Variants in HGF observed in about 807,000 individuals in gnomAD.
HGF encodes the protein fibroblast-derived tumor cytotoxic factor.
HGF carries 39 observed loss-of-function variants against 111.6 expected under a neutral mutation model. The ratio of observed to expected loss-of-function variants is 0.35; its 90% CI spans 0.27 to 0.46. HGF has a LOEUF of 0.46. HGF is among the 20% of genes least tolerant of loss of function. The probability of loss-of-function intolerance (pLI) is 1.00; values close to 1 mark genes in which losing one functional copy is unlikely to be tolerated. For synonymous variants in HGF, 285 were observed against 294.8 expected, an observed-to-expected ratio of 0.97 and a Z score of 0.34; for missense variants, 735 against 910.5, an observed-to-expected ratio of 0.81 and a Z score of 2.48.
At chr7:81,724,153 C>G (rs1789946886) in intron 9 of HGF, among the ~76,000 whole-genome samples, 1 of 152,102 alleles carries the variant, frequency 6.6e-6, no homozygotes, top group African/African-American at 2.4e-5. Flanking sequence ...AACAAATGTT[C>G]AAGTAAATGA....
intron 4 of HGF, chr7:81,756,906 A>G (rs914616714): frequency 2.7e-5 from 13 of 485,060 alleles, no homozygotes; most frequent in Middle Eastern, 5.7e-4. Context: ...AAAGACAGGA[A>G]GAAGAATCCT....
At chr7:81,720,680 T>TATCTAA in intron 10 of HGF, 65 bp downstream of exon 10, 1 of 880,530 alleles carries the variant, frequency 1.1e-6, no homozygotes, top group South Asian at 1.3e-5. Flanking sequence ...GCAATGTACA[T>TATCTAA]ATCTAAATAC....
chr7:81,736,958 T>G (rs1180036722), intron 7 of HGF, among the ~76,000 whole-genome samples: 5 of 149,554 alleles, frequency 3.3e-5, no homozygotes, highest in African/African-American at 1.2e-4. Flanking sequence ...ATGATATACT[T>G]TTGAAAACAT....
intron 2 of HGF, among the ~76,000 whole-genome samples, chr7:81,761,262 T>C (rs1427569840): frequency 2.0e-5 from 3 of 152,194 alleles, no homozygotes; most frequent in African/African-American, 7.2e-5. Flanking sequence ...ATCATAGGAA[T>C]ATACTTGCAA....
chr7:81,705,861 C>A, intron 15 of HGF, 108 bp from the exon 16 acceptor site: 2 of 614,974 alleles, frequency 3.3e-6, no homozygotes, highest in African/African-American at 2.8e-5. Flanking sequence ...AGAATGAAGT[C>A]CTGTTTCTTA....
At chr7:81,707,842 T>A (rs966302981) in intron 13 of HGF, among the ~76,000 whole-genome samples, 8 of 152,276 alleles carry the variant, frequency 5.3e-5, no homozygotes, top group African/African-American at 1.9e-4. Flanking sequence ...TTCCTTCTTC[T>A]ACTACCATTA....
At chr7:81,713,989 CGTGTGTGTGT>C (rs10539468) in intron 11 of HGF, among the ~76,000 whole-genome samples, 406 of 142,414 alleles carry the variant, frequency 2.9e-3, no homozygotes, top group African/African-American at 4.5e-3. Flanking sequence ...GGTGTGTGTG[CGTGTGTGTGT>C]GTGTGTGTGT....
In HGF at chr7:81,701,103, GATCTT is replaced by G. The variant is rs1461721552; in HGVS notation, c.*1473_*1477del. 6.6e-6 allele frequency: 1 copy of G among 151,468 alleles called. No individual in the cohort carries two copies. The highest frequency in any genetic ancestry group is 1.5e-5 in the Non-Finnish European group (1 of 67,620). The allele number at this position is 151,468 out of a possible 1,614,324, so 9.4% of individuals were successfully genotyped here. On this transcript the variant is annotated 3_prime_UTR_variant, in exon 18 of 18. Transcript: ENST00000222390. ...TTATTCTATTTCTCAACAAATACAT[GATCTT>G]TAGCTAAGCATGACAAATACAATGA...
chr7:81,743,019 C>A, intron 7 of HGF: 2 of 1,350,756 alleles, frequency 1.5e-6, no homozygotes, highest in South Asian at 1.2e-5. Context: ...CTTTTACTCC[C>A]CTAATGACTT....
intron 11 of HGF, among the ~76,000 whole-genome samples, chr7:81,713,666 T>G (rs1034382758): frequency 6.6e-6 from 1 of 152,158 alleles, no homozygotes; most frequent in Non-Finnish European, 1.5e-5. Flanking sequence ...GTTTTAAAAT[T>G]AAATTTCTGG....
chr7:81,729,700 G>A lies in HGF; in HGVS notation c.945C>T (p.Gly315=). 6.2e-7 allele frequency: 1 copy of A among 1,613,392 alleles called. No homozygotes were observed. The highest frequency in any genetic ancestry group is 8.5e-7 in the Non-Finnish European group (1 of 1,179,390). ...CIQGQGEGYR[G]TVNTIWNGIP... is the part of the protein sequence containing the mutation. The stretch of plus-strand genomic sequence containing the variant: ...TTCCATTCCAAATGGTATTGACAGT[G>A]CCCCTGTAGCCTTCTCCTTGACCTT... The change falls in exon 8 of 18, where the codon GGC becomes GGT. Residue 315 remains glycine, a synonymous_variant. Transcript: ENST00000222390.
At chr7:81,712,183 C>T (rs1480578606) in intron 11 of HGF, among the ~76,000 whole-genome samples, 1 of 152,114 alleles carries the variant, frequency 6.6e-6, no homozygotes, top group Non-Finnish European at 1.5e-5. Flanking sequence ...GTCCAACATC[C>T]TACACCATGA....
chr7:81,768,965 G>T (rs1789499262), intron 1 of HGF, among the ~76,000 whole-genome samples: 1 of 152,038 alleles, frequency 6.6e-6, no homozygotes, highest in African/African-American at 2.4e-5. Context: ...AAAAGATACA[G>T]CCAGTTCTCT....
rs772827646 is a variant in HGF, at chr7:81,758,685, CAGT to C, written c.367+4_367+6del. 6.8e-7 allele frequency: 1 copy of C among 1,474,854 alleles called. No individual in the cohort carries two copies. Among genetic ancestry groups the C allele is most frequent in the Non-Finnish European group, 9.5e-7 (1 of 1,054,192 alleles). 91.4% of individuals were successfully genotyped at this position (1,474,854 alleles called of 1,614,324 possible). On this transcript the variant is annotated splice_donor_5th_base_variant and intron_variant, in intron 3 of 17. Transcript: ENST00000222390. ...CATTATGCAATATTTAGGGAGAAGT[CAGT>C]TACCTTTGTTTTCATAGAGGTCAAA...
intron 9 of HGF, among the ~76,000 whole-genome samples, chr7:81,721,221 T>C (rs112554666): frequency 0.01 from 1,523 of 152,098 alleles, 24 homozygotes; most frequent in African/African-American, 0.035. Context: ...CACTCCAGCC[T>C]GGGCGACAGA....
chr7:81,727,749 G>C (rs2115918251), intron 8 of HGF, among the ~76,000 whole-genome samples: 1 of 152,216 alleles, frequency 6.6e-6, no homozygotes. Context: ...TCCTCCCAAA[G>C]TTCTGGATTG....
At position 81,717,342 on chromosome 7, in the gene HGF, G is replaced by A. The variant is rs1228451958; in HGVS notation, c.1295C>T (p.Ala432Val). 4 of 1,613,452 alleles carry A rather than the reference G, an allele frequency of 2.5e-6. No individual in the cohort carries two copies. Among genetic ancestry groups the A allele is most frequent in the East Asian group, 2.2e-5 (1 of 44,850 alleles). ...LHRHIFWEPD[A>V]SKLNENYCRN... ...GCAGTAATTCTCATTCAGCTTACTT[G>A]CATCTGGTTCCCAGAAGATATGACT... is the stretch of plus-strand genomic sequence containing the variant. The change falls in exon 11 of 18, where the codon GCA becomes GTA. Residue 432 changes from alanine to valine, a missense_variant. Coordinates refer to ENST00000222390, the MANE Select transcript of HGF (RefSeq NM_000601.6).
Position 81,725,026 on chromosome 7 carries a change from A to T in HGF, c.1168+864T>A, listed in dbSNP as rs142374057. ...TAACAACCAGGGTCAAGTCACTCCC[A>T]TCTGTAGTCTGAATTACTGAAACAA... On this transcript the variant is annotated intron_variant, in intron 9 of 17. Coordinates refer to ENST00000222390, the MANE Select transcript of HGF (RefSeq NM_000601.6). 9.3e-4 allele frequency among the ~76,000 whole-genome samples: 142 copies of T among 152,268 alleles called. 4 individuals carry two copies. The East Asian group carries it at 0.018, about 20-fold the overall frequency.
intron 2 of HGF, 135 bp downstream of exon 2, chr7:81,762,572 T>C: frequency 1.3e-6 from 1 of 748,696 alleles, no homozygotes; most frequent in Middle Eastern, 3.8e-4. Flanking sequence ...TCTTCGTTTG[T>C]AGTGAGTTAA....
Sources: allele counts gnomAD v4.1 joint callset (sites outside exome capture counted in the v4.1 genomes callset), GRCh38; gene constraint gnomAD v4.1.1; transcripts MANE v1.5; gene names NCBI Gene and HGNC (gene_info 2026-07-23, HGNC 2026-07-21).